Variants in CD46 observed in about 807,000 individuals in gnomAD.
The protein encoded by CD46 is CD46 molecule.
CD46 carries 30 observed loss-of-function variants against 53.3 expected under a neutral mutation model. That is an observed-to-expected ratio of 0.56 (90% CI 0.42 to 0.76). The LOEUF (loss-of-function observed/expected upper bound fraction) is 0.76, where lower values mean the gene tolerates loss of function less well. CD46 is among the 30% of genes least tolerant of loss of function. The pLI is 0.00. For synonymous variants in CD46, 142 were observed against 152.0 expected, an observed-to-expected ratio of 0.93 and a Z score of 0.48; for missense variants, 409 against 463.0, an observed-to-expected ratio of 0.88 and a Z score of 1.07.
chr1:207,767,619 C>G, intron 6 of CD46, 160 bp from the exon 7 acceptor site: 4 of 1,612,892 alleles, frequency 2.5e-6, no homozygotes, highest in Non-Finnish European at 3.4e-6. Context: ...CTGCCTCCAT[C>G]TAGTACAAAA....
At chr1:207,762,412 A>G (rs546807180) in intron 5 of CD46, among the ~76,000 whole-genome samples, 1 of 152,266 alleles carries the variant, frequency 6.6e-6, no homozygotes, top group Non-Finnish European at 1.5e-5. Flanking sequence ...AATGATAAAA[A>G]TAGAGCCAAA....
In CD46 at chr1:207,763,848, G is replaced by GTTT. The variant is rs10661265; in HGVS notation, c.673+2412_673+2414dup. Among the ~76,000 whole-genome samples the GTTT allele has an allele frequency of 2.4e-3, 341 of 139,738 alleles. 4 individuals carry two copies. The highest frequency in any genetic ancestry group is 0.015 in the East Asian group (73 of 4,804). The allele number at this position is 139,738 out of a possible 152,430, so 91.7% of individuals were successfully genotyped here. On this transcript the variant is annotated intron_variant, in intron 5 of 12. Transcript: ENST00000367042. The stretch of plus-strand genomic sequence containing the variant: ...AACAGCGTTAACGTATGATTTTTTG[G>GTTT]TTTTTTTTTTTTGTATACTTTAAAT...
In CD46 at chr1:207,786,066, A is replaced by G. The variant is rs1433565572; in HGVS notation, c.1082+384A>G. 3 of 190,766 alleles carry G rather than the reference A, an allele frequency of 1.6e-5. No homozygotes were observed. In the Admixed American group the frequency reaches 1.6e-4, roughly 10 times the overall value. The allele number at this position is 190,766 out of a possible 1,614,324, so 11.8% of individuals were successfully genotyped here. ...AGTATTTCACTGTGGAGACTTTGAC[A>G]GTTGTATTCACTGGAATTTTTATAA... On this transcript the variant is annotated intron_variant, in intron 11 of 12. Coordinates refer to ENST00000367042, the MANE Select transcript of CD46 (RefSeq NM_172351.3).
rs1655025127 is a variant in CD46 at position 207,752,440 on chromosome 1, C to T, written c.97+131C>T. On this transcript the variant is annotated intron_variant, in intron 1 of 12. Coordinates refer to ENST00000367042, the MANE Select transcript of CD46 (RefSeq NM_172351.3). The surrounding 1 kb of genome is among the most constrained non-coding windows in gnomAD (Gnocchi z 4.1). ...ACAGGGTTCTCTGAGGGGTGCAGTG[C>T]TCAGATCCCGGGGGTATGTGGCGGG... is the stretch of plus-strand genomic sequence containing the variant. The T allele has an allele frequency of 1.2e-6, 1 of 862,088 alleles. No individual in the cohort carries two copies. The highest frequency in any genetic ancestry group is 1.6e-5 in the African/African-American group (1 of 60,806). 53.4% of individuals were successfully genotyped at this position (862,088 alleles called of 1,614,324 possible). A position where few individuals can be genotyped will look rare whatever the true frequency, so the allele number is the denominator to read the frequency against.
intron 7 of CD46, 47 bp downstream of exon 7, chr1:207,767,870 C>G (rs1335367436): frequency 7.1e-7 from 1 of 1,411,414 alleles, no homozygotes; most frequent in Non-Finnish European, 1.0e-6. Context: ...CTTTAAATTC[C>G]TGGTGATTTT....
chr1:207,762,762 C>G (rs184429875), intron 5 of CD46: 1 of 152,830 alleles, frequency 6.5e-6, no homozygotes, highest in East Asian at 1.9e-4. Context: ...TGAGACGTGG[C>G]ACACACAGGC....
chr1:207,758,626 A>G (rs912767874), intron 3 of CD46, among the ~76,000 whole-genome samples: 6 of 152,210 alleles, frequency 3.9e-5, no homozygotes, highest in Non-Finnish European at 5.9e-5. Context: ...TTAAATTTCA[A>G]TATGAGTTTT....
intron 8 of CD46, among the ~76,000 whole-genome samples, chr1:207,781,512 T>C (rs376347025): frequency 6.6e-6 from 1 of 152,312 alleles, no homozygotes; most frequent in Middle Eastern, 3.4e-3. Context: ...CCAGATCAAA[T>C]GTCAAGAAGC....
chr1:207,780,483 T>G (rs926893807), intron 8 of CD46, among the ~76,000 whole-genome samples: 1 of 152,220 alleles, frequency 6.6e-6, no homozygotes, highest in Non-Finnish European at 1.5e-5. Context: ...TTTTACCTTT[T>G]GGCTATTTTG....
chr1:207,771,053 T>A (rs1657462155), intron 8 of CD46, among the ~76,000 whole-genome samples: 1 of 152,200 alleles, frequency 6.6e-6, no homozygotes, highest in African/African-American at 2.4e-5. Flanking sequence ...CCACATCCTC[T>A]CCAGCATCTG....
chr1:207,765,257 T>G (rs2102586337), intron 5 of CD46, among the ~76,000 whole-genome samples: 1 of 152,312 alleles, frequency 6.6e-6, no homozygotes, highest in Non-Finnish European at 1.5e-5. Context: ...ATTCATCATC[T>G]TATTTTTTCA....
At chr1:207,785,734 T>A (rs1287375474) in intron 11 of CD46, 52 bp downstream of exon 11, 1 of 1,125,482 alleles carries the variant, frequency 8.9e-7, no homozygotes, top group Non-Finnish European at 1.4e-6. Context: ...ATACTTAACA[T>A]GCTTTTGTGC....
chr1:207,785,676 A>C lies in CD46; in HGVS notation c.1076A>C (p.Lys359Thr). ...TACAGATATCTTCAAAGGAGGAAGA[A>C]GAAAGGGTAAATTAAAGCATGTTTC... ...VPYRYLQRRK[K>T]KGTYLTDETH... Residue 359 changes from lysine to threonine, a missense_variant, in exon 11 of 13, where the codon AAG becomes ACG. By Grantham distance (78) the Lys-to-Thr change is moderately conservative. Coordinates refer to ENST00000367042, the MANE Select transcript of CD46 (RefSeq NM_172351.3). The C allele has an allele frequency of 6.2e-7, 1 of 1,602,626 alleles. No homozygotes were observed.
chr1:207,786,517 G>C (rs1221787273), intron 11 of CD46, among the ~76,000 whole-genome samples: 2 of 152,110 alleles, frequency 1.3e-5, no homozygotes, highest in African/African-American at 4.8e-5. Context: ...ACTAAGATTA[G>C]GTGCTTTGAA....
intron 8 of CD46, among the ~76,000 whole-genome samples, chr1:207,773,926 C>G (rs1489556390): frequency 6.6e-6 from 1 of 152,154 alleles, no homozygotes; most frequent in Non-Finnish European, 1.5e-5. Context: ...AGTTCAAGTC[C>G]TGGATATCCT....
At chr1:207,770,425 TTAAGCTC>T (rs1229613151) in intron 8 of CD46, 63 bp downstream of exon 8, 6 of 1,211,376 alleles carry the variant, frequency 5.0e-6, no homozygotes, top group Non-Finnish European at 7.3e-6. Context: ...TTATTATACT[TTAAGCTC>T]TAGGGTATGT....
intron 8 of CD46, among the ~76,000 whole-genome samples, chr1:207,777,695 G>A (rs1035192441): frequency 1.3e-5 from 2 of 152,120 alleles, no homozygotes; most frequent in African/African-American, 4.8e-5. Flanking sequence ...TCATTGATGG[G>A]CATTTAGGTT....
intron 8 of CD46, among the ~76,000 whole-genome samples, chr1:207,781,193 GT>G (rs1002311548): frequency 6.7e-6 from 1 of 150,200 alleles, no homozygotes; most frequent in African/African-American, 2.5e-5. Context: ...AATTAGAAAT[GT>G]GTTGAGAATC....
chr1:207,779,653 T>A (rs1396079497), intron 8 of CD46, among the ~76,000 whole-genome samples: 2 of 152,178 alleles, frequency 1.3e-5, no homozygotes, highest in Non-Finnish European at 2.9e-5. Context: ...CAACCATGTG[T>A]TCTGACTTTG....
Sources: allele counts gnomAD v4.1 joint callset (sites outside exome capture counted in the v4.1 genomes callset), GRCh38; gene constraint gnomAD v4.1.1; non-coding constraint Gnocchi (gnomAD v3.1); transcripts MANE v1.5; gene names NCBI Gene and HGNC (gene_info 2026-07-23, HGNC 2026-07-21).